Variants in GRIK1 observed in about 807,000 individuals in gnomAD.
GRIK1 encodes the protein glutamate ionotropic receptor kainate type subunit 1, also known as glutamate receptor ionotropic, kainate 1.
In GRIK1, 69 loss-of-function variants were observed where a neutral mutation model predicts 105.7. The observed-to-expected ratio is 0.65, with a 90% CI of 0.54 to 0.80. The LOEUF (loss-of-function observed/expected upper bound fraction) is 0.80, where lower values mean the gene tolerates loss of function less well. Among genes scored for constraint, GRIK1 ranks in the 30% least tolerant of loss-of-function variants. GRIK1 has a pLI of 0.00. For synonymous variants in GRIK1, 438 were observed against 431.3 expected, an observed-to-expected ratio of 1.02 and a Z score of -0.19; for missense variants, 1,109 against 1,167.3, an observed-to-expected ratio of 0.95 and a Z score of 0.73.
Position 29,744,426 on chromosome 21 carries a change from G to A in GRIK1, c.119-50363C>T, listed in dbSNP as rs146680149. Among the ~76,000 whole-genome samples, 346 of 152,310 alleles carry A rather than the reference G, an allele frequency of 2.3e-3. 2 individuals carry two copies. The highest frequency in any genetic ancestry group is 0.015 in the South Asian group (71 of 4,820). On this transcript the variant is annotated intron_variant, in intron 1 of 17. Coordinates refer to ENST00000327783, the MANE Select transcript of GRIK1 (RefSeq NM_001330994.2). The stretch of plus-strand genomic sequence containing the variant: ...TGTCCTTGTGGTGGAGTTGACGCAT[G>A]CATATGCACATTTGCACACCTCCAA...
At chr21:29,701,440 G>T (rs926241384) in intron 1 of GRIK1, among the ~76,000 whole-genome samples, 1 of 152,182 alleles carries the variant, frequency 6.6e-6, no homozygotes, top group Non-Finnish European at 1.5e-5. Context: ...TGCTATTTTT[G>T]AGGAAGAGTG....
intron 1 of GRIK1, among the ~76,000 whole-genome samples, chr21:29,734,847 C>A (rs142830589): frequency 0.016 from 2,498 of 152,258 alleles, 27 homozygotes; most frequent in Middle Eastern, 0.044. Flanking sequence ...ATCTGTTTTG[C>A]CTTCTTGGGA....
intron 7 of GRIK1, among the ~76,000 whole-genome samples, chr21:29,610,502 T>G (rs542326102): frequency 6.6e-6 from 1 of 152,238 alleles, no homozygotes; most frequent in South Asian, 2.1e-4. Context: ...AAGATGCTAC[T>G]TTCAATTGAA....
intron 7 of GRIK1, among the ~76,000 whole-genome samples, chr21:29,629,108 C>T (rs1320942052): frequency 6.6e-6 from 1 of 151,830 alleles, no homozygotes; most frequent in East Asian, 1.9e-4. Flanking sequence ...GAGGTAGACA[C>T]ATAGAAATGT....
chr21:29,875,603 CT>C (rs1439359927), intron 1 of GRIK1, among the ~76,000 whole-genome samples: 2 of 152,134 alleles, frequency 1.3e-5, no homozygotes, highest in African/African-American at 2.4e-5. Context: ...CTCCTCTCCT[CT>C]TTTTTCCCCC....
intron 1 of GRIK1, among the ~76,000 whole-genome samples, chr21:29,807,858 C>T (rs896204141): frequency 6.6e-6 from 1 of 152,076 alleles, no homozygotes; most frequent in African/African-American, 2.4e-5. Context: ...TTGTGGATTC[C>T]TGATAGCCTT....
intron 1 of GRIK1, among the ~76,000 whole-genome samples, chr21:29,709,011 G>A (rs2063981111): frequency 6.6e-6 from 1 of 151,914 alleles, no homozygotes; most frequent in Admixed American, 6.6e-5. Context: ...AGAAAAGCTA[G>A]TACAATTATA....
At chr21:29,939,167 G>A (rs1020433485) in intron 1 of GRIK1, among the ~76,000 whole-genome samples, 2 of 152,120 alleles carry the variant, frequency 1.3e-5, no homozygotes, top group African/African-American at 2.4e-5. Flanking sequence ...TGAAAAACCC[G>A]CCAACTGTAC....
At chr21:29,692,184 G>T (rs978354961) in intron 2 of GRIK1, among the ~76,000 whole-genome samples, 2 of 152,190 alleles carry the variant, frequency 1.3e-5, no homozygotes, top group Non-Finnish European at 1.5e-5. Flanking sequence ...AGAAGCTCTG[G>T]GGGTGTTTAA....
intron 1 of GRIK1, among the ~76,000 whole-genome samples, chr21:29,796,630 C>G (rs188734836): frequency 6.6e-6 from 1 of 152,010 alleles, no homozygotes; most frequent in Admixed American, 6.6e-5. Flanking sequence ...ACATAGTTAA[C>G]AAAGCTACAT....
At chr21:29,920,883 C>T (rs1026386230) in intron 1 of GRIK1, among the ~76,000 whole-genome samples, 7 of 151,600 alleles carry the variant, frequency 4.6e-5, no homozygotes, top group African/African-American at 1.7e-4. Flanking sequence ...TGGCAAAACA[C>T]TAACGTGGTA....
chr21:29,620,782 G>GATAT (rs1303807750), intron 7 of GRIK1, among the ~76,000 whole-genome samples: 5 of 122,850 alleles, frequency 4.1e-5, no homozygotes, highest in African/African-American at 1.9e-4. Context: ...TATATATATA[G>GATAT]ATATATATAT....
At chr21:29,561,528 C>T (rs2090479034) in intron 15 of GRIK1, 96 bp downstream of exon 15, 2 of 748,522 alleles carry the variant, frequency 2.7e-6, no homozygotes, top group Non-Finnish European at 4.7e-6. Context: ...TGTAGGCCTT[C>T]TCAGAATTTG....
intron 7 of GRIK1, among the ~76,000 whole-genome samples, chr21:29,606,904 T>C (rs1270633326): frequency 6.6e-6 from 1 of 152,156 alleles, no homozygotes; most frequent in African/African-American, 2.4e-5. Flanking sequence ...TCATTTCTCC[T>C]CCACAACTGG....
At chr21:29,663,584 G>T (rs1601402301) in intron 4 of GRIK1, among the ~76,000 whole-genome samples, 1 of 152,194 alleles carries the variant, frequency 6.6e-6, no homozygotes, top group Non-Finnish European at 1.5e-5. Context: ...CATTTGGAAA[G>T]AACTTTAATC....
intron 4 of GRIK1, among the ~76,000 whole-genome samples, chr21:29,672,490 T>C (rs1295662928): frequency 6.6e-6 from 1 of 152,204 alleles, no homozygotes; most frequent in Non-Finnish European, 1.5e-5. Flanking sequence ...GTTTATTGTC[T>C]AGAACAAATT....
At chr21:29,921,298 G>A (rs542164616) in intron 1 of GRIK1, among the ~76,000 whole-genome samples, 2 of 152,310 alleles carry the variant, frequency 1.3e-5, no homozygotes, top group African/African-American at 4.8e-5. Context: ...TGGAAAGGGT[G>A]CTGTTGAAAT....
At chr21:29,763,240 G>T (rs1351350057) in intron 1 of GRIK1, among the ~76,000 whole-genome samples, 1 of 152,192 alleles carries the variant, frequency 6.6e-6, no homozygotes, top group Non-Finnish European at 1.5e-5. Context: ...AGTTCCTCCA[G>T]CTTTCATTCT....
chr21:29,814,054 A>G (rs1254612228), intron 1 of GRIK1, among the ~76,000 whole-genome samples: 3 of 148,190 alleles, frequency 2.0e-5, no homozygotes, highest in Admixed American at 6.8e-5. Context: ...AGCTGGGATT[A>G]CAGGTGCGTG....
Sources: allele counts gnomAD v4.1 joint callset (sites outside exome capture counted in the v4.1 genomes callset), GRCh38; gene constraint gnomAD v4.1.1; transcripts MANE v1.5; gene names NCBI Gene and HGNC (gene_info 2026-07-23, HGNC 2026-07-21).